The following NELL1 variants were observed in gnomAD, a reference collection of about 807,000 sequenced individuals.
The protein encoded by NELL1 is neural EGFL like 1, also known as protein kinase C-binding protein NELL1.
NELL1 carries 76 observed loss-of-function variants against 107.4 expected under a neutral mutation model. The observed-to-expected ratio is 0.71, with a 90% CI of 0.59 to 0.86. The LOEUF (loss-of-function observed/expected upper bound fraction) is 0.86, where lower values mean the gene tolerates loss of function less well. NELL1 is among the 40% of genes least tolerant of loss of function. The pLI, the probability that NELL1 is intolerant of heterozygous loss-of-function variation, is 0.00. For missense variants in NELL1, 1,024 were observed against 1,005.5 expected, an observed-to-expected ratio of 1.02 and a Z score of -0.25; for synonymous variants, 353 against 341.2, an observed-to-expected ratio of 1.03 and a Z score of -0.38.
chr11:21,004,020 C>T (rs930791516), intron 12 of NELL1, among the ~76,000 whole-genome samples: 1 of 152,142 alleles, frequency 6.6e-6, no homozygotes, highest in African/African-American at 2.4e-5. Context: ...TCTTCCTCAA[C>T]TTCTCTGCCT....
At chr11:20,875,263 AC>A (rs1442934541) in intron 4 of NELL1, among the ~76,000 whole-genome samples, 2 of 151,906 alleles carry the variant, frequency 1.3e-5, no homozygotes, top group Non-Finnish European at 2.9e-5. Flanking sequence ...CTAACTTTGG[AC>A]CCTTTTCATT....
intron 2 of NELL1, among the ~76,000 whole-genome samples, chr11:20,782,856 T>C (rs1856877909): frequency 6.6e-6 from 1 of 152,204 alleles, no homozygotes; most frequent in Admixed American, 6.5e-5. Flanking sequence ...ACCCAGTTTA[T>C]CATGACAAGG....
chr11:20,728,793 A>G (rs926497460), intron 2 of NELL1, among the ~76,000 whole-genome samples: 5 of 151,948 alleles, frequency 3.3e-5, no homozygotes, highest in African/African-American at 1.2e-4. Flanking sequence ...ATGGGGCTCT[A>G]TTTTTGGTTC....
At chr11:20,908,527 G>A (rs1339301944) in intron 5 of NELL1, among the ~76,000 whole-genome samples, 4 of 152,048 alleles carry the variant, frequency 2.6e-5, no homozygotes, top group Non-Finnish European at 5.9e-5. Flanking sequence ...GGCACAGAGA[G>A]GGGAACATCA....
chr11:20,881,508 A>G (rs765385899), intron 4 of NELL1, among the ~76,000 whole-genome samples: 10 of 152,176 alleles, frequency 6.6e-5, no homozygotes, highest in Non-Finnish European at 1.0e-4. Context: ...CTAAGCCAAG[A>G]ACACCCACCT....
At chr11:20,815,412 T>C (rs906865924) in intron 3 of NELL1, among the ~76,000 whole-genome samples, 1 of 152,180 alleles carries the variant, frequency 6.6e-6, no homozygotes, top group African/African-American at 2.4e-5. Flanking sequence ...TAATGATTAG[T>C]GATGTGGAGC....
chr11:21,260,415 A>T (rs952463965), intron 14 of NELL1: 1 of 151,962 alleles, frequency 6.6e-6, no homozygotes, highest in African/African-American at 2.4e-5. Context: ...GAAGCCCAGT[A>T]TAATGTGACT....
At chr11:21,120,199 A>C (rs1026869131) in intron 13 of NELL1, among the ~76,000 whole-genome samples, 1 of 152,182 alleles carries the variant, frequency 6.6e-6, no homozygotes, top group Non-Finnish European at 1.5e-5. Flanking sequence ...AATTAAGTAC[A>C]CTATAATGAA....
intron 12 of NELL1, among the ~76,000 whole-genome samples, chr11:21,020,513 T>G (rs1216275273): frequency 1.3e-5 from 2 of 152,020 alleles, no homozygotes; most frequent in African/African-American, 2.4e-5. Flanking sequence ...TTTTTTTTTC[T>G]TTTTTTGGAA....
At chr11:21,198,890 A>AT (rs1857208154) in intron 13 of NELL1, among the ~76,000 whole-genome samples, 1 of 152,138 alleles carries the variant, frequency 6.6e-6, no homozygotes. Context: ...TTGAATTATT[A>AT]TGGCACCATG....
At chr11:21,495,202 TC>T (rs1388578622) in intron 15 of NELL1, among the ~76,000 whole-genome samples, 1 of 152,160 alleles carries the variant, frequency 6.6e-6, no homozygotes, top group African/African-American at 2.4e-5. Flanking sequence ...TAAGCTACTT[TC>T]TGTCAGCATG....
At chr11:21,314,644 C>G (rs1849833131) in intron 14 of NELL1, among the ~76,000 whole-genome samples, 1 of 152,174 alleles carries the variant, frequency 6.6e-6, no homozygotes, top group African/African-American at 2.4e-5. Flanking sequence ...AAAGAATACT[C>G]AGCATGCCTG....
intron 15 of NELL1, among the ~76,000 whole-genome samples, chr11:21,437,813 G>T (rs1390812016): frequency 6.6e-6 from 1 of 152,074 alleles, no homozygotes; most frequent in Non-Finnish European, 1.5e-5. Flanking sequence ...TTTCTTGTAG[G>T]CAGCATATTT....
chr11:21,218,879 A>T (rs1857683725), intron 13 of NELL1, among the ~76,000 whole-genome samples: 1 of 152,120 alleles, frequency 6.6e-6, no homozygotes, highest in African/African-American at 2.4e-5. Flanking sequence ...TTTTGAATCC[A>T]TTCTTGTATT....
intron 12 of NELL1, among the ~76,000 whole-genome samples, chr11:21,083,349 T>A (rs1854312836): frequency 6.6e-6 from 1 of 152,106 alleles, no homozygotes; most frequent in African/African-American, 2.4e-5. Flanking sequence ...GGACCAGTCT[T>A]CCCAAACTTT....
Position 21,199,893 on chromosome 11 carries a change from G to A in NELL1, c.1427-29439G>A, listed in dbSNP as rs543138344. 3.0e-4 allele frequency among the ~76,000 whole-genome samples: 46 copies of A among 151,686 alleles called. 1 individual carries two copies. Among genetic ancestry groups the A allele is most frequent in the South Asian group, 4.2e-4 (2 of 4,798 alleles). On this transcript the variant is annotated intron_variant, in intron 13 of 19. Transcript: ENST00000357134. ...CTCCCGCTTATGAGTGAGAACATGC[G>A]GTGTTTGGTTTTCTGTTCTTGTGTT...
intron 2 of NELL1, among the ~76,000 whole-genome samples, chr11:20,714,647 G>A (rs1855197380): frequency 6.6e-6 from 1 of 151,874 alleles, no homozygotes; most frequent in Non-Finnish European, 1.5e-5. Flanking sequence ...TCAGTCTCCT[G>A]AGTGGCTAGG....
chr11:21,053,017 C>A (rs1212013245), intron 12 of NELL1, among the ~76,000 whole-genome samples: 1 of 152,080 alleles, frequency 6.6e-6, no homozygotes, highest in African/African-American at 2.4e-5. Context: ...TATTAGACCA[C>A]CCACTGAAGC....
At position 21,369,362 on chromosome 11, in the gene NELL1, ATTTTTT is replaced by A. The variant is rs34302489; in HGVS notation, c.1550-1476_1550-1471del. 5.9e-3 allele frequency among the ~76,000 whole-genome samples: 647 copies of A among 110,414 alleles called. 6 individuals are homozygous for A. The highest frequency in any genetic ancestry group is 0.02 in the African/African-American group (611 of 30,778). 72.4% of individuals were successfully genotyped at this position (110,414 alleles called of 152,430 possible). A position where few individuals can be genotyped will look rare whatever the true frequency, so the allele number is the denominator to read the frequency against. ...TGATGAACTTACCATGGTAGGTACT[ATTTTTT>A]TTTTTTTTTTTTTTGCATAGGCGAA... On this transcript the variant is annotated intron_variant, in intron 14 of 19. Coordinates refer to ENST00000357134, the MANE Select transcript of NELL1 (RefSeq NM_006157.5).
Sources: allele counts gnomAD v4.1 joint callset (sites outside exome capture counted in the v4.1 genomes callset), GRCh38; gene constraint gnomAD v4.1.1; transcripts MANE v1.5; gene names NCBI Gene and HGNC (gene_info 2026-07-23, HGNC 2026-07-21).